CCDC14: variants seen among roughly 807,000 people sequenced by gnomAD.
CCDC14 encodes the protein coiled-coil domain containing 14, also known as coiled-coil domain-containing protein 14.
CCDC14 carries 71 observed loss-of-function variants against 81.4 expected under a neutral mutation model. That is an observed-to-expected ratio of 0.87 (90% CI 0.72 to 1.06). The LOEUF (loss-of-function observed/expected upper bound fraction) is 1.06, where lower values mean the gene tolerates loss of function less well. Among genes scored for constraint, CCDC14 ranks in the 50% least tolerant of loss-of-function variants. The pLI, the probability that CCDC14 is intolerant of heterozygous loss-of-function variation, is 0.00. For missense variants in CCDC14, 1,046 were observed against 1,047.3 expected (o/e 1.00, Z 0.02); for synonymous variants, 332 against 364.8 (o/e 0.91, Z 1.03).
At chr3:123,892,043 C>G in the CCDC14 span, among the ~76,000 whole-genome samples, 2 of 152,130 alleles carry the variant, frequency 1.3e-5, no homozygotes, top group Non-Finnish European at 2.9e-5. Context: ...TTTTTAAAAC[C>G]ATCAGGTCTC....
intron 10 of CCDC14, among the ~76,000 whole-genome samples, chr3:123,931,745 A>AT (rs2035733291): frequency 2.0e-5 from 3 of 152,298 alleles, no homozygotes; most frequent in Non-Finnish European, 4.4e-5. Context: ...TTAAGCATTA[A>AT]TTTTTTAAAC....
At chr3:123,949,686 C>T (rs538658285) in intron 5 of CCDC14, 40 of 153,504 alleles carry the variant, frequency 2.6e-4, no homozygotes, top group Non-Finnish European at 4.5e-4. Flanking sequence ...TCAGGCAGGC[C>T]AATTTAGTTA....
Position 123,915,770 on chromosome 3 carries a change from ATTCAC to A in CCDC14, c.1779-57_1779-53del, listed in dbSNP as rs1468620720. 21 of 1,346,034 alleles carry A rather than the reference ATTCAC, an allele frequency of 1.6e-5. 1 individual carries two copies. The highest frequency in any genetic ancestry group is 2.1e-5 in the Non-Finnish European group (21 of 982,366). 83.4% of individuals were successfully genotyped at this position (1,346,034 alleles called of 1,614,324 possible). ...TTATTATTTTTTACCTGTTTCTTTAATTCACTTATCTATACCTCCATCTTTAAAAA... is the reference window on the plus strand; with the variant it reads ...TTATTATTTTTTACCTGTTTCTTTAATTATCTATACCTCCATCTTTAAAAA... On this transcript the variant is annotated intron_variant, in intron 12 of 12. Coordinates refer to ENST00000409697, the MANE Select transcript of CCDC14 (RefSeq NM_001366335.1).
rs2034543870 is a variant in CCDC14, at chr3:123,914,433, C to G, written c.*346G>C. On this transcript the variant is annotated 3_prime_UTR_variant, in exon 13 of 13. Coordinates refer to ENST00000409697, the MANE Select transcript of CCDC14 (RefSeq NM_001366335.1). Reference sequence around the variant, plus strand: ...AAAACTTACATCCAGAGATTCTTTTCCCATTATTTCTTAGGACAGCCACAG... The same window carrying G: ...AAAACTTACATCCAGAGATTCTTTTGCCATTATTTCTTAGGACAGCCACAG... 1.0e-6 allele frequency: 1 copy of G among 991,368 alleles called. No homozygotes were observed. Among genetic ancestry groups the G allele is most frequent in the Non-Finnish European group, 1.2e-6 (1 of 834,332 alleles). The allele number at this position is 991,368 out of a possible 1,614,324, so 61.4% of individuals were successfully genotyped here. A position where few individuals can be genotyped will look rare whatever the true frequency, so the allele number is the denominator to read the frequency against.
chr3:123,928,707 C>T (rs769492255), intron 12 of CCDC14, among the ~76,000 whole-genome samples: 5 of 152,034 alleles, frequency 3.3e-5, no homozygotes, highest in East Asian at 1.9e-4. Context: ...TCCATTCATC[C>T]GTCTACCTCC....
In CCDC14 at chr3:123,913,598, A is replaced by C. The variant is rs2034498979; in HGVS notation, c.*1181T>G. Reference sequence around the variant, plus strand: ...TCACTTAATAAATTTTTAGACTTAAATCTCTATCTGGAAAATCTGAACATA... The same window carrying C: ...TCACTTAATAAATTTTTAGACTTAACTCTCTATCTGGAAAATCTGAACATA... On this transcript the variant is annotated 3_prime_UTR_variant, in exon 13 of 13. Coordinates refer to ENST00000409697, the MANE Select transcript of CCDC14 (RefSeq NM_001366335.1). 1.0e-6 allele frequency: 1 copy of C among 984,176 alleles called. No homozygotes were observed. The highest frequency in any genetic ancestry group is 1.8e-5 in the African/African-American group (1 of 57,136). 61.0% of individuals were successfully genotyped at this position (984,176 alleles called of 1,614,324 possible). A position where few individuals can be genotyped will look rare whatever the true frequency, so the allele number is the denominator to read the frequency against.
At chr3:123,909,565 C>T (rs1473881699), downstream of CCDC14, among the ~76,000 whole-genome samples, 1 of 152,212 alleles carries the variant, frequency 6.6e-6, no homozygotes, top group Non-Finnish European at 1.5e-5. Flanking sequence ...TTTAAGAACA[C>T]TGTGTGCCTT....
rs1456894356 is a variant in CCDC14 at position 123,955,742 on chromosome 3, A to G, written c.352+101T>C. On this transcript the variant is annotated intron_variant, in intron 5 of 12. Transcript: ENST00000409697. The stretch of plus-strand genomic sequence containing the variant: ...ATAAGCACACATAAACCTAACTAAT[A>G]CTGATTATTAAAATGAAAATCAACT... The G allele has an allele frequency of 3.6e-6, 4 of 1,108,900 alleles. No homozygotes were observed. The African/African-American group carries it at 6.4e-5, about 18-fold the overall frequency. 68.7% of individuals were successfully genotyped at this position (1,108,900 alleles called of 1,614,324 possible). A position where few individuals can be genotyped will look rare whatever the true frequency, so the allele number is the denominator to read the frequency against.
chr3:123,893,263 C>T (rs1920219), downstream of CCDC14, among the ~76,000 whole-genome samples: 128,410 of 152,230 alleles, frequency 0.84, 54,523 homozygotes, highest in East Asian at 0.96. Flanking sequence ...ACCTGGTAAC[C>T]TTTATTCTAC....
intron 9 of CCDC14, among the ~76,000 whole-genome samples, chr3:123,933,999 G>A (rs928959591): frequency 5.9e-5 from 9 of 152,084 alleles, no homozygotes; most frequent in East Asian, 1.9e-4. Flanking sequence ...TGGGCCAGGC[G>A]CGGTGGCTCA....
intron 1 of CCDC14, chr3:123,958,395 T>C (rs1474585918): frequency 6.6e-6 from 1 of 152,090 alleles, no homozygotes; most frequent in Non-Finnish European, 1.5e-5. Context: ...GAAAATCTGG[T>C]AAAGAAAACT....
Position 123,915,677 on chromosome 3 carries a change from C to T in CCDC14, c.1820G>A (p.Ser607Asn). Residue 607 changes from serine to asparagine, a missense_variant, in exon 13 of 13, where the codon AGT becomes AAT. Physicochemically the swap from Ser to Asn is conservative, Grantham distance 46. Coordinates refer to ENST00000409697, the MANE Select transcript of CCDC14 (RefSeq NM_001366335.1). ...AGGCTTGCAGCGAGCACTGTCCACA[C>T]TAAGATCGGAGAGAAGCTTTGCCAT... ...TSMAKLLSDL[S>N]VDSARCKPGN... 1 of 1,613,560 alleles carries T rather than the reference C, an allele frequency of 6.2e-7. No homozygotes were observed. Among genetic ancestry groups the T allele is most frequent in the South Asian group, 1.1e-5 (1 of 90,906 alleles).
chr3:123,924,550 T>A (rs1274745921), intron 12 of CCDC14, among the ~76,000 whole-genome samples: 2 of 152,110 alleles, frequency 1.3e-5, no homozygotes, highest in African/African-American at 4.8e-5. Flanking sequence ...GATAAGGGGT[T>A]AATATTCAAA....
Position 123,961,222 on chromosome 3 carries a change from G to A in CCDC14, c.-49C>T, listed in dbSNP as rs1163958088. 9.7e-6 allele frequency: 15 copies of A among 1,551,404 alleles called. No homozygotes were observed. Among genetic ancestry groups the A allele is most frequent in the Admixed American group, 2.0e-5 (1 of 50,994 alleles). On this transcript the variant is annotated 5_prime_UTR_variant, in exon 1 of 13. Coordinates refer to ENST00000409697, the MANE Select transcript of CCDC14 (RefSeq NM_001366335.1). The stretch of plus-strand genomic sequence containing the variant: ...AGACCGAGGGAAGTGAAGCCTCACG[G>A]TAAAAAGAATTAACCGCCGTGGGCT...
intron 9 of CCDC14, among the ~76,000 whole-genome samples, chr3:123,943,141 T>C (rs753742897): frequency 6.6e-5 from 10 of 151,920 alleles, no homozygotes; most frequent in South Asian, 2.1e-4. Flanking sequence ...TATACGTATA[T>C]ATACACATAC....
chr3:123,918,162 G>C (rs1381553996), intron 12 of CCDC14, among the ~76,000 whole-genome samples: 1 of 152,126 alleles, frequency 6.6e-6, no homozygotes, highest in Non-Finnish European at 1.5e-5. Context: ...ATACTAAACA[G>C]TCAGTGGTGA....
chr3:123,935,243 T>C (rs1449157167), intron 9 of CCDC14, among the ~76,000 whole-genome samples: 4 of 152,092 alleles, frequency 2.6e-5, no homozygotes, highest in African/African-American at 9.7e-5. Context: ...GGCCATAGAA[T>C]TGACAAAAAT....
At position 123,899,831 on chromosome 3, in the gene CCDC14, C is replaced by T. The variant is rs182885375; in HGVS notation, c.668-2218G>A. 1.4e-3 allele frequency among the ~76,000 whole-genome samples: 214 copies of T among 152,296 alleles called. 1 individual carries two copies. Among genetic ancestry groups the T allele is most frequent in the Non-Finnish European group, 2.1e-3 (142 of 68,028 alleles). On this transcript the variant is annotated intron_variant, in intron 5 of 5. Transcript: ENST00000479903. ...TCTGGGTTCTTCTGTAGCTACTCAT[C>T]GTAATGTCAACTCCAGCCATGGGAG...
At chr3:123,956,550 A>G (rs991095640) in intron 2 of CCDC14, 123 bp from the exon 3 acceptor site, 1 of 778,730 alleles carries the variant, frequency 1.3e-6, no homozygotes, top group Non-Finnish European at 2.1e-6. Context: ...GAATTTATAA[A>G]CACATTCTGA....
Sources: gnomAD v4.1 joint callset for allele counts (sites outside exome capture counted in the v4.1 genomes callset) on GRCh38, gnomAD v4.1.1 for gene constraint, MANE v1.5 for transcripts, NCBI Gene and HGNC (gene_info 2026-07-23, HGNC 2026-07-21) for gene names.